MYO7B: variants seen among roughly 807,000 people sequenced by gnomAD.
MYO7B encodes the protein unconventional myosin-VIIb.
Under a neutral mutation model 259.7 loss-of-function variants are expected in MYO7B, and 212 were observed. That is an observed-to-expected ratio of 0.82 (90% CI 0.73 to 0.91). The LOEUF (loss-of-function observed/expected upper bound fraction) is 0.91, where lower values mean the gene tolerates loss of function less well. Among genes scored for constraint, MYO7B ranks in the 40% least tolerant of loss-of-function variants. MYO7B has a pLI of 0.00. For missense variants in MYO7B, 2,732 were observed against 2,813.5 expected, an observed-to-expected ratio of 0.97 and a Z score of 0.66; for synonymous variants, 1,197 against 1,166.4, an observed-to-expected ratio of 1.03 and a Z score of -0.54.
intron 9 of MYO7B, among the ~76,000 whole-genome samples, chr2:127,580,074 A>T (rs1385541758): frequency 6.6e-6 from 1 of 152,230 alleles, no homozygotes; most frequent in Non-Finnish European, 1.5e-5. Context: ...TAGCGTGGTT[A>T]CGTGGTGCTG....
At chr2:127,583,094 G>A (rs1275876238) in intron 12 of MYO7B, among the ~76,000 whole-genome samples, 1 of 152,228 alleles carries the variant, frequency 6.6e-6, no homozygotes, top group African/African-American at 2.4e-5. Flanking sequence ...CAAGCAGGCT[G>A]ACAACACTAG....
rs779703747 is a variant in MYO7B, at chr2:127,630,848, C to T, written c.4877C>T (p.Pro1626Leu). ...AQEGQFTEPRPEEPPKEKLHT... is the reference protein window; with the variant it reads ...AQEGQFTEPRLEEPPKEKLHT... ...GAGGGGCAGTTCACAGAGCCACGTCCTGAGGAGCCACCCAAGGAAAAGCTG... is the reference window on the plus strand; with the variant it reads ...GAGGGGCAGTTCACAGAGCCACGTCTTGAGGAGCCACCCAAGGAAAAGCTG... The change falls in exon 36 of 48, where the codon CCT (proline) becomes CTT (leucine). Residue 1626 changes from proline (P) to leucine (L), a missense_variant. Pro to Leu is a moderately conservative substitution (Grantham distance 98). Transcript: ENST00000409816. The T allele has an allele frequency of 2.5e-6, 4 of 1,612,306 alleles. No homozygotes were observed. Among genetic ancestry groups the T allele is most frequent in the South Asian group, 2.2e-5 (2 of 90,932 alleles).
At chr2:127,632,207 C>G (rs1477514307) in intron 38 of MYO7B, 39 bp from the exon 39 acceptor site, 9 of 1,594,416 alleles carry the variant, frequency 5.6e-6, no homozygotes, top group Non-Finnish European at 7.7e-6. Context: ...CCAGGGCCCC[C>G]TGAGGGGCCT....
Position 127,579,491 on chromosome 2 carries a change from C to T in MYO7B, c.1003+1205C>T, listed in dbSNP as rs115135350. Among the ~76,000 whole-genome samples, 575 of 152,226 alleles carry T rather than the reference C, an allele frequency of 3.8e-3. 3 individuals are homozygous for T. Among genetic ancestry groups the T allele is most frequent in the African/African-American group, 0.013 (548 of 41,528 alleles). On this transcript the variant is annotated intron_variant, in intron 9 of 47. Coordinates refer to ENST00000409816, the MANE Select transcript of MYO7B (RefSeq NM_001393586.1). ...GTGGGTGCTAACCAGAGGTGGGCAC[C>T]GGGGCCTGGGACAGCATCAGAAACA...
rs1383750482 is a variant in MYO7B at position 127,612,523 on chromosome 2, C to A, written c.3318C>A (p.Gly1106=). 1.9e-6 allele frequency: 3 copies of A among 1,576,598 alleles called. No homozygotes were observed. The highest frequency in any genetic ancestry group is 1.7e-6 in the Non-Finnish European group (2 of 1,161,142). ...NIGEEALEPD[G]LGADRPMSNL... ...GAGAGGAGGCATTGGAGCCTGATGG[C>A]CTTGGTGCAGACCGGCCCATGTCCA... Residue 1106 remains glycine, a synonymous_variant, in exon 26 of 48, where the codon GGC becomes GGA. Coordinates refer to ENST00000409816, the MANE Select transcript of MYO7B (RefSeq NM_001393586.1).
chr2:127,581,106 C>T (rs1330084062), intron 10 of MYO7B, among the ~76,000 whole-genome samples: 1 of 152,182 alleles, frequency 6.6e-6, no homozygotes, highest in Non-Finnish European at 1.5e-5. Context: ...TCAGTATCCT[C>T]GCCCTCCACC....
At position 127,633,192 on chromosome 2, in the gene MYO7B, C is replaced by T. The variant is rs372807471; in HGVS notation, c.5406-66C>T. 1.6e-5 allele frequency: 20 copies of T among 1,281,276 alleles called. No individual in the cohort carries two copies. The East Asian group carries it at 2.7e-4, about 18-fold the overall frequency. 79.4% of individuals were successfully genotyped at this position (1,281,276 alleles called of 1,614,324 possible). ...CTGGCACATGGTTTAGGGCCCACAT[C>T]GGGGCTGGGGCATGGGTGAGGATGA... On this transcript the variant is annotated intron_variant, in intron 39 of 47. Transcript: ENST00000409816.
rs1680501853 is a variant in MYO7B at position 127,614,568 on chromosome 2, C to CA, written c.3398+1967dup. On this transcript the variant is annotated intron_variant, in intron 26 of 47. Transcript: ENST00000409816. The surrounding 1 kb of genome is among the most constrained non-coding windows in gnomAD (Gnocchi z 4.6). ...CAAAAGTCAAGCACTAGCAAGAACT[C>CA]AATCAACAGGCTCTATTCTAGTACC... Among the ~76,000 whole-genome samples the CA allele has an allele frequency of 6.6e-6, 1 of 152,174 alleles. No individual in the cohort carries two copies. Among genetic ancestry groups the CA allele is most frequent in the African/African-American group, 2.4e-5 (1 of 41,438 alleles).
rs372491325 is a variant in MYO7B, at chr2:127,636,828, C to T, written c.6242C>T (p.Ser2081Phe). 4 of 1,607,690 alleles carry T rather than the reference C, an allele frequency of 2.5e-6. No homozygotes were observed. The highest frequency in any genetic ancestry group is 3.4e-6 in the Non-Finnish European group (4 of 1,176,618). ...ACCACCTATCCCTTCACCAAGATCT[C>T]CAGCTGGAGCAGCGGCAGCACCTAC... ...LLTTYPFTKI[S>F]SWSSGSTYFH... The change falls in exon 47 of 48, where the codon TCC becomes TTC. Residue 2081 changes from serine to phenylalanine, a missense_variant. By Grantham distance (155) the Ser-to-Phe change is radical. Transcript: ENST00000409816. This position sits in a 1 kb window ranked among gnomAD's most constrained non-coding sequence, Gnocchi z 4.5.
At position 127,636,920 on chromosome 2, in the gene MYO7B, T is replaced by C. The variant is rs772812524; in HGVS notation, c.6327+7T>C. The C allele has an allele frequency of 3.7e-6, 6 of 1,610,266 alleles. No individual in the cohort carries two copies. Among genetic ancestry groups the C allele is most frequent in the Non-Finnish European group, 4.2e-6 (5 of 1,179,828 alleles). The stretch of plus-strand genomic sequence containing the variant: ...GCTGTGCGAGACCTCCCTGGTGAGC[T>C]CAGGTTCTTTCTCCCATCCAAGATG... On this transcript the variant is annotated splice_region_variant and intron_variant, in intron 47 of 47. Coordinates refer to ENST00000409816, the MANE Select transcript of MYO7B (RefSeq NM_001393586.1). This position sits in a 1 kb window ranked among gnomAD's most constrained non-coding sequence, Gnocchi z 4.5.
intron 31 of MYO7B, 52 bp downstream of exon 31, chr2:127,625,587 TG>T (rs1031975810): frequency 1.3e-5 from 19 of 1,506,178 alleles, no homozygotes; most frequent in South Asian, 5.3e-5. Context: ...CTTTGGGAGG[TG>T]GGGGGGCTCA....
intron 1 of MYO7B, among the ~76,000 whole-genome samples, chr2:127,553,360 T>C (rs1003714475): frequency 1.3e-5 from 2 of 152,242 alleles, no homozygotes; most frequent in African/African-American, 2.4e-5. Context: ...AGTATGGTCA[T>C]TTCACAACGT....
chr2:127,587,163 C>T (rs371129843), intron 14 of MYO7B, among the ~76,000 whole-genome samples: 2 of 152,174 alleles, frequency 1.3e-5, no homozygotes, highest in Non-Finnish European at 2.9e-5. Flanking sequence ...GGGAGTTCGT[C>T]CTTAGAGACC....
At chr2:127,580,068 G>A (rs1170641405) in intron 9 of MYO7B, among the ~76,000 whole-genome samples, 2 of 152,220 alleles carry the variant, frequency 1.3e-5, no homozygotes, top group African/African-American at 4.8e-5. Flanking sequence ...TGGCTTTAGC[G>A]TGGTTACGTG....
At chr2:127,635,476 T>C (rs1681748727) in intron 43 of MYO7B, 1 of 625,322 alleles carries the variant, frequency 1.6e-6, no homozygotes, top group Admixed American at 2.9e-5. Flanking sequence ...CTGTGACCCA[T>C]GGAGCAGTGG....
chr2:127,538,160 C>G (rs574562498), intron 1 of MYO7B, among the ~76,000 whole-genome samples: 2 of 151,982 alleles, frequency 1.3e-5, no homozygotes, highest in South Asian at 4.2e-4. Flanking sequence ...GGGTGGGGAA[C>G]GGGGGATGTT....
chr2:127,623,143 GT>G (rs1388637528), intron 28 of MYO7B, 58 bp from the exon 29 acceptor site: 3 of 1,585,448 alleles, frequency 1.9e-6, no homozygotes, highest in Non-Finnish European at 2.6e-6. Context: ...TGGATGGGGG[GT>G]TGGCCTCCTG....
chr2:127,592,547 G>A lies in MYO7B; in HGVS notation c.1993-247G>A, dbSNP rs180972656. 1.7e-3 allele frequency among the ~76,000 whole-genome samples: 261 copies of A among 152,248 alleles called. 1 individual carries two copies. Among genetic ancestry groups the A allele is most frequent in the Middle Eastern group, 3.4e-3 (1 of 294 alleles). On this transcript the variant is annotated intron_variant, in intron 16 of 47. Transcript: ENST00000409816. ...TGGGTGCCACAGTTTCCATGCTATC[G>A]ACTTTTATCTCCTTGACAACATTAC...
chr2:127,556,949 T>C (rs1027503009), intron 1 of MYO7B, among the ~76,000 whole-genome samples: 4 of 152,148 alleles, frequency 2.6e-5, no homozygotes, highest in Non-Finnish European at 5.9e-5. Flanking sequence ...GCCAGGAAGG[T>C]TTTCCTTGAT....
Sources: allele counts gnomAD v4.1 joint callset (sites outside exome capture counted in the v4.1 genomes callset), GRCh38; gene constraint gnomAD v4.1.1; non-coding constraint Gnocchi (gnomAD v3.1); transcripts MANE v1.5; gene names NCBI Gene and HGNC (gene_info 2026-07-23, HGNC 2026-07-21).